MSRB3: variants seen among roughly 807,000 people sequenced by gnomAD.
The protein encoded by MSRB3 is methionine sulfoxide reductase B3.
Under a neutral mutation model 21.0 loss-of-function variants are expected in MSRB3, and 13 were observed. That is an observed-to-expected ratio of 0.62 (90% CI 0.40 to 0.98). The LOEUF (loss-of-function observed/expected upper bound fraction) is 0.98. Among genes scored for constraint, MSRB3 ranks in the 50% least tolerant of loss-of-function variants. MSRB3 has a pLI of 0.00. For synonymous variants in MSRB3, 87 were observed against 88.6 expected (o/e 0.98, Z 0.10); for missense variants, 199 against 230.3 (o/e 0.86, Z 0.88).
intron 5 of MSRB3, among the ~76,000 whole-genome samples, chr12:65,429,351 C>A (rs1881769257): frequency 6.6e-6 from 1 of 152,030 alleles, no homozygotes; most frequent in Admixed American, 6.6e-5. Flanking sequence ...AATACAACCA[C>A]ACAAAGAGCT....
At chr12:65,428,285 A>G (rs895206571) in intron 5 of MSRB3, among the ~76,000 whole-genome samples, 1 of 151,680 alleles carries the variant, frequency 6.6e-6, no homozygotes, top group Non-Finnish European at 1.5e-5. Flanking sequence ...TACTGATCTT[A>G]CCAGTTATTT....
At chr12:65,355,693 A>G (rs1717104779) in intron 4 of MSRB3, among the ~76,000 whole-genome samples, 1 of 151,906 alleles carries the variant, frequency 6.6e-6, no homozygotes, top group Non-Finnish European at 1.5e-5. Context: ...AGTCTGCATA[A>G]GCATAAATTA....
chr12:65,306,742 G>A, intron 1 of MSRB3: 2 of 725,182 alleles, frequency 2.8e-6, no homozygotes, highest in Non-Finnish European at 3.4e-6. Flanking sequence ...GGCTATTTGG[G>A]TAGAAATACA....
At chr12:65,398,876 T>C (rs939623550) in intron 5 of MSRB3, among the ~76,000 whole-genome samples, 26 of 152,196 alleles carry the variant, frequency 1.7e-4, no homozygotes, top group African/African-American at 5.8e-4. Flanking sequence ...CTGTTCCCCA[T>C]TGCTTGTTTT....
chr12:65,452,446 C>T (rs983786353), intron 5 of MSRB3, among the ~76,000 whole-genome samples: 8 of 152,036 alleles, frequency 5.3e-5, no homozygotes, highest in Non-Finnish European at 1.2e-4. Flanking sequence ...TATTCAAATT[C>T]TCTTCAGAAT....
At chr12:65,279,042 C>A (rs998799017) in intron 1 of MSRB3, 177 bp downstream of exon 1, 1 of 1,424,988 alleles carries the variant, frequency 7.0e-7, no homozygotes, top group Non-Finnish European at 9.1e-7. Context: ...TTGCGCCCCG[C>A]GCCAGCGGTG....
At chr12:65,397,562 T>TA (rs1879882018) in intron 5 of MSRB3, among the ~76,000 whole-genome samples, 1 of 152,190 alleles carries the variant, frequency 6.6e-6, no homozygotes, top group Admixed American at 6.5e-5. Context: ...TCTATACACT[T>TA]ACCATAATCA....
At chr12:65,278,909 C>T in intron 1 of MSRB3, 44 bp downstream of exon 1, 1 of 1,514,100 alleles carries the variant, frequency 6.6e-7, no homozygotes, top group African/African-American at 1.4e-5. Context: ...CCTCACCCCT[C>T]CCACCCCGAC....
rs1311241972 is a variant in MSRB3, at chr12:65,464,075, C to A, written c.*753C>A. 1 of 152,402 alleles carries A rather than the reference C, an allele frequency of 6.6e-6. No homozygotes were observed. The highest frequency in any genetic ancestry group is 2.4e-5 in the African/African-American group (1 of 41,438). 9.4% of individuals were successfully genotyped at this position (152,402 alleles called of 1,614,324 possible). A position where few individuals can be genotyped will look rare whatever the true frequency, so the allele number is the denominator to read the frequency against. Reference sequence around the variant, plus strand: ...GGATCACGAGGTCAGGAGATGGAGACCATCCTGGCTAACATGGTGAAACCC... The same window carrying A: ...GGATCACGAGGTCAGGAGATGGAGAACATCCTGGCTAACATGGTGAAACCC... On this transcript the variant is annotated 3_prime_UTR_variant, in exon 7 of 7. Transcript: ENST00000308259.
chr12:65,357,545 AT>A (rs1258519903), intron 4 of MSRB3, among the ~76,000 whole-genome samples: 1 of 151,872 alleles, frequency 6.6e-6, no homozygotes, highest in East Asian at 1.9e-4. Context: ...ACTAAAGCCC[AT>A]TTTTTTCATA....
chr12:65,287,139 T>G (rs1391729831), intron 1 of MSRB3, among the ~76,000 whole-genome samples: 1 of 148,804 alleles, frequency 6.7e-6, no homozygotes, highest in Non-Finnish European at 1.5e-5. Flanking sequence ...CTCTTTTTTT[T>G]TTTTTTTTGG....
chr12:65,349,913 A>C (rs1047239923), intron 4 of MSRB3, among the ~76,000 whole-genome samples: 10 of 151,884 alleles, frequency 6.6e-5, no homozygotes, highest in African/African-American at 2.4e-4. Context: ...CTTTAGTTTA[A>C]TTAGATCCCA....
At chr12:65,316,298 A>AT (rs1433644633) in intron 2 of MSRB3, 1 of 152,082 alleles carries the variant, frequency 6.6e-6, no homozygotes, top group Non-Finnish European at 1.5e-5. Context: ...ATTAGCTGAC[A>AT]TTTTCCAAAA....
chr12:65,361,158 A>G (rs1877676421), intron 4 of MSRB3, among the ~76,000 whole-genome samples: 1 of 152,088 alleles, frequency 6.6e-6, no homozygotes, highest in Admixed American at 6.6e-5. Context: ...GGTAAACTTC[A>G]CTTAGCATCA....
rs75759706 is a variant in MSRB3, at chr12:65,436,444, A to C, written c.293-17284A>C. ...TTCAGTATTTTGATAGCAGTATTTA[A>C]AGATCATTTTTCCATTGTAATCCCA... On this transcript the variant is annotated intron_variant, in intron 5 of 6. Coordinates refer to ENST00000308259, the MANE Select transcript of MSRB3 (RefSeq NM_001031679.3). Among the ~76,000 whole-genome samples, 50 of 151,948 alleles carry C rather than the reference A, an allele frequency of 3.3e-4. No homozygotes were observed. The East Asian group carries it at 9.5e-3, about 29-fold the overall frequency.
chr12:65,463,400 T>C lies in MSRB3; in HGVS notation c.*78T>C, dbSNP rs1042614887. The C allele has an allele frequency of 2.2e-5, 34 of 1,521,674 alleles. No individual in the cohort carries two copies. Among genetic ancestry groups the C allele is most frequent in the Non-Finnish European group, 2.9e-5 (33 of 1,123,690 alleles). The allele number at this position is 1,521,674 out of a possible 1,614,324, so 94.3% of individuals were successfully genotyped here. A position where few individuals can be genotyped will look rare whatever the true frequency, so the allele number is the denominator to read the frequency against. The stretch of plus-strand genomic sequence containing the variant: ...AAATCAAAATTGTTATCTTAATAGA[T>C]ATATTTTTTCAAAAACTATAAGGGC... On this transcript the variant is annotated 3_prime_UTR_variant, in exon 7 of 7. Transcript: ENST00000308259.
At chr12:65,425,049 T>C (rs1314438350) in intron 5 of MSRB3, among the ~76,000 whole-genome samples, 1 of 2,210 alleles carries the variant, frequency 4.5e-4, no homozygotes, top group Non-Finnish European at 9.0e-4. Context: ...ATATGTATAT[T>C]ATATATATTT....
At chr12:65,296,083 A>T (rs898438412) in intron 1 of MSRB3, among the ~76,000 whole-genome samples, 5 of 152,212 alleles carry the variant, frequency 3.3e-5, no homozygotes. Context: ...TATTTTCTTC[A>T]TGCATACACA....
chr12:65,343,481 G>A (rs1876276488), intron 4 of MSRB3, among the ~76,000 whole-genome samples: 1 of 152,020 alleles, frequency 6.6e-6, no homozygotes, highest in African/African-American at 2.4e-5. Context: ...ACCAAAGTTA[G>A]ATTTGCATTT....
Sources: gnomAD v4.1 joint callset for allele counts (sites outside exome capture counted in the v4.1 genomes callset) on GRCh38, gnomAD v4.1.1 for gene constraint, MANE v1.5 for transcripts, NCBI Gene and HGNC (gene_info 2026-07-23, HGNC 2026-07-21) for gene names.